The following PTPRQ variants were observed in gnomAD, a reference collection of about 807,000 sequenced individuals.
The protein encoded by PTPRQ is phosphatidylinositol phosphatase PTPRQ.
In PTPRQ, 199 loss-of-function variants were observed where a neutral mutation model predicts 246.0. The observed-to-expected ratio is 0.81, with a 90% CI of 0.72 to 0.91. The LOEUF is 0.91. PTPRQ is among the 40% of genes least tolerant of loss of function. The probability of loss-of-function intolerance (pLI) is 0.00; values close to 1 mark genes in which losing one functional copy is unlikely to be tolerated. For missense variants in PTPRQ, 2,624 were observed against 2,528.4 expected, an observed-to-expected ratio of 1.04 and a Z score of -0.81; for synonymous variants, 869 against 853.2, an observed-to-expected ratio of 1.02 and a Z score of -0.32.
intron 12 of PTPRQ, 130 bp downstream of exon 12, chr12:80,495,501 T>C: frequency 8.2e-7 from 1 of 1,218,656 alleles, no homozygotes; most frequent in Non-Finnish European, 1.1e-6. Flanking sequence ...TTTTGTTGTT[T>C]TGTGTCACCA....
chr12:80,648,858 C>T, intron 35 of PTPRQ, 39 bp from the exon 36 acceptor site: 2 of 1,515,748 alleles, frequency 1.3e-6, no homozygotes, highest in Non-Finnish European at 1.8e-6. Flanking sequence ...TAGCTGTCCA[C>T]TCTGACTCAC....
At chr12:80,583,114 T>A (rs570985821) in intron 25 of PTPRQ, among the ~76,000 whole-genome samples, 1 of 152,298 alleles carries the variant, frequency 6.6e-6, no homozygotes. Flanking sequence ...TCTGTGAAGC[T>A]TCTTCTTATC....
intron 6 of PTPRQ, chr12:80,462,323 C>A (rs1322062114): frequency 5.3e-6 from 1 of 188,526 alleles, no homozygotes; most frequent in African/African-American, 2.4e-5. Context: ...GGGGCACCCG[C>A]CATTGCCCAG....
At chr12:80,496,205 A>G (rs922203346) in intron 13 of PTPRQ, 45 bp from the exon 14 acceptor site, 1 of 1,542,034 alleles carries the variant, frequency 6.5e-7, no homozygotes, top group Non-Finnish European at 8.7e-7. Context: ...AGCAACAAAC[A>G]TCAATAAAAA....
intron 36 of PTPRQ, among the ~76,000 whole-genome samples, chr12:80,649,347 T>C (rs888746249): frequency 1.3e-5 from 2 of 152,118 alleles, no homozygotes; most frequent in Non-Finnish European, 2.9e-5. Flanking sequence ...AAATGCTAAA[T>C]CCTTTATTTA....
intron 27 of PTPRQ, 93 bp from the exon 28 acceptor site, chr12:80,610,342 CTAGA>C (rs1898502084): frequency 9.8e-7 from 1 of 1,017,054 alleles, no homozygotes; most frequent in East Asian, 3.2e-5. Flanking sequence ...ACAAATTTGG[CTAGA>C]TAAATACATC....
chr12:80,523,936 C>T lies in PTPRQ; in HGVS notation c.2679-10079C>T, dbSNP rs923923799. Among the ~76,000 whole-genome samples, 56 of 152,188 alleles carry T rather than the reference C, an allele frequency of 3.7e-4. 1 individual carries two copies. The highest frequency in any genetic ancestry group is 1.3e-3 in the African/African-American group (56 of 41,528). ...GGATATCCTTGTTAACTTTCTGTCT[C>T]ATTGATCTGTCTAATGTTGACAGGG... is the stretch of plus-strand genomic sequence containing the variant. On this transcript the variant is annotated intron_variant, in intron 17 of 44. Transcript: ENST00000644991.
At chr12:80,491,032 T>G (rs1592576247) in intron 9 of PTPRQ, among the ~76,000 whole-genome samples, 1 of 151,810 alleles carries the variant, frequency 6.6e-6, no homozygotes, top group South Asian at 2.1e-4. Flanking sequence ...TTATGGAGGG[T>G]TTTTCTAATG....
intron 21 of PTPRQ, 59 bp downstream of exon 21, chr12:80,541,904 C>T (rs757566392): frequency 6.1e-6 from 9 of 1,474,950 alleles, no homozygotes; most frequent in Non-Finnish European, 8.0e-6. Context: ...ATTTACATTG[C>T]TTTCTGATAG....
chr12:80,455,424 A>T (rs1168025946), intron 3 of PTPRQ, among the ~76,000 whole-genome samples: 1 of 151,966 alleles, frequency 6.6e-6, no homozygotes, highest in Non-Finnish European at 1.5e-5. Context: ...TTTCTTCCAA[A>T]TCTTCTTGTT....
intron 42 of PTPRQ, among the ~76,000 whole-genome samples, chr12:80,672,556 T>TGACAATAGGAATTTCC (rs1166400595): frequency 5.3e-5 from 8 of 152,054 alleles, no homozygotes; most frequent in African/African-American, 1.9e-4. Flanking sequence ...TAGGAATTTC[T>TGACAATAGGAATTTCC]GACAATAGGA....
chr12:80,539,713 G>C, intron 19 of PTPRQ, 63 bp from the exon 20 acceptor site: 2 of 1,334,278 alleles, frequency 1.5e-6, no homozygotes, highest in South Asian at 3.2e-5. Flanking sequence ...ATAACAATTA[G>C]TTTGAAGTGT....
At chr12:80,592,384 C>G (rs746322528) in intron 26 of PTPRQ, among the ~76,000 whole-genome samples, 1 of 151,926 alleles carries the variant, frequency 6.6e-6, no homozygotes, top group Non-Finnish European at 1.5e-5. Flanking sequence ...AAATATTGTA[C>G]AATTGAATTT....
chr12:80,620,503 T>A, intron 32 of PTPRQ, 127 bp downstream of exon 32: 1 of 1,323,264 alleles, frequency 7.6e-7, no homozygotes, highest in South Asian at 1.5e-5. Context: ...GTGACCTGAT[T>A]TTTCTGGCAC....
intron 9 of PTPRQ, among the ~76,000 whole-genome samples, chr12:80,487,519 A>T (rs925340427): frequency 2.6e-5 from 4 of 152,132 alleles, no homozygotes; most frequent in African/African-American, 9.7e-5. Flanking sequence ...CATGGTCCAG[A>T]AGGCTTTAAG....
intron 25 of PTPRQ, among the ~76,000 whole-genome samples, chr12:80,558,061 T>TCCTTCCCTTC (rs553586738): frequency 0.014 from 2,168 of 150,230 alleles, 25 homozygotes; most frequent in Non-Finnish European, 0.024. Context: ...CTTCCTCCCT[T>TCCTTCCCTTC]CCTTCCCTTC....
intron 32 of PTPRQ, among the ~76,000 whole-genome samples, chr12:80,621,022 C>T (rs1898964853): frequency 6.6e-6 from 1 of 151,784 alleles, no homozygotes; most frequent in Non-Finnish European, 1.5e-5. Flanking sequence ...AAAGAATCAT[C>T]TTATCCTTGT....
chr12:80,473,707 A>C (rs914897369), intron 8 of PTPRQ, among the ~76,000 whole-genome samples: 24 of 152,210 alleles, frequency 1.6e-4, no homozygotes, highest in African/African-American at 5.8e-4. Flanking sequence ...TTTGTCTTGG[A>C]TTATTTTAAA....
At chr12:80,467,392 T>C (rs1306202960) in intron 6 of PTPRQ, among the ~76,000 whole-genome samples, 8 of 151,980 alleles carry the variant, frequency 5.3e-5, no homozygotes, top group Non-Finnish European at 7.4e-5. Flanking sequence ...AATAGGAACA[T>C]TTTTACACTG....
Sources: gnomAD v4.1 joint callset for allele counts (sites outside exome capture counted in the v4.1 genomes callset) on GRCh38, gnomAD v4.1.1 for gene constraint, MANE v1.5 for transcripts, NCBI Gene and HGNC (gene_info 2026-07-23, HGNC 2026-07-21) for gene names.